FBXL7: variants seen among roughly 807,000 people sequenced by gnomAD.
FBXL7 encodes F-box and leucine rich repeat protein 7.
FBXL7 carries 12 observed loss-of-function variants against 38.3 expected under a neutral mutation model. The ratio of observed to expected loss-of-function variants is 0.31; its 90% CI spans 0.20 to 0.51. The LOEUF is 0.51. Among genes scored for constraint, FBXL7 ranks in the 20% least tolerant of loss-of-function variants. The probability of loss-of-function intolerance (pLI) is 0.98; values close to 1 mark genes in which losing one functional copy is unlikely to be tolerated. For synonymous variants in FBXL7, 297 were observed against 300.9 expected, an observed-to-expected ratio of 0.99 and a Z score of 0.13; for missense variants, 567 against 676.4, an observed-to-expected ratio of 0.84 and a Z score of 1.79.
chr5:15,829,502 A>G (rs1269612256), intron 2 of FBXL7, among the ~76,000 whole-genome samples: 1 of 152,176 alleles, frequency 6.6e-6, no homozygotes, highest in Non-Finnish European at 1.5e-5. Flanking sequence ...ATGGTCCAAT[A>G]TCATCTCAAG....
At chr5:15,788,481 C>T (rs535540178) in intron 2 of FBXL7, among the ~76,000 whole-genome samples, 1 of 152,248 alleles carries the variant, frequency 6.6e-6, no homozygotes, top group Non-Finnish European at 1.5e-5. Context: ...AGAAAAGAAG[C>T]ATCTCAAATT....
intron 2 of FBXL7, among the ~76,000 whole-genome samples, chr5:15,893,383 T>C (rs372099553): frequency 3.3e-5 from 5 of 152,336 alleles, no homozygotes; most frequent in South Asian, 2.1e-4. Context: ...TTCATTTTAA[T>C]AATCAGATAT....
chr5:15,779,976 G>A (rs1481392786), intron 2 of FBXL7, among the ~76,000 whole-genome samples: 1 of 152,048 alleles, frequency 6.6e-6, no homozygotes, highest in Non-Finnish European at 1.5e-5. Context: ...TGTCCGACTT[G>A]TGTTTGTCAA....
chr5:15,856,962 C>T (rs1579526015), intron 2 of FBXL7, among the ~76,000 whole-genome samples: 1 of 152,146 alleles, frequency 6.6e-6, no homozygotes, highest in African/African-American at 2.4e-5. Flanking sequence ...TGTATGTATG[C>T]AAGTATTTTT....
chr5:15,504,939 A>G (rs1335184507), intron 1 of FBXL7, among the ~76,000 whole-genome samples: 1 of 152,196 alleles, frequency 6.6e-6, no homozygotes, highest in Non-Finnish European at 1.5e-5. Flanking sequence ...CACTGTTAAC[A>G]GCTTGTTTGC....
intron 2 of FBXL7, among the ~76,000 whole-genome samples, chr5:15,683,193 G>A (rs1039986393): frequency 1.3e-5 from 2 of 152,170 alleles, no homozygotes; most frequent in African/African-American, 2.4e-5. Flanking sequence ...AACTTGTCTT[G>A]TGTGTTTATT....
chr5:15,891,743 T>G (rs1740912060), intron 2 of FBXL7, among the ~76,000 whole-genome samples: 1 of 152,170 alleles, frequency 6.6e-6, no homozygotes, highest in Non-Finnish European at 1.5e-5. Context: ...AGATGGCACA[T>G]TCAAAGGAGA....
intron 2 of FBXL7, among the ~76,000 whole-genome samples, chr5:15,659,983 A>T (rs529478526): frequency 6.6e-6 from 1 of 152,360 alleles, no homozygotes; most frequent in South Asian, 2.1e-4. Flanking sequence ...TGTAAACCAA[A>T]TGACTATGAA....
intron 2 of FBXL7, among the ~76,000 whole-genome samples, chr5:15,735,629 T>C (rs1735729445): frequency 6.6e-6 from 1 of 152,228 alleles, no homozygotes; most frequent in Non-Finnish European, 1.5e-5. Flanking sequence ...TCCACAGCTA[T>C]TTAAAACCCA....
At position 15,939,141 on chromosome 5, in the gene FBXL7, C is replaced by T. The variant is rs533651593; in HGVS notation, c.*1955C>T. 7.5e-6 allele frequency: 3 copies of T among 398,710 alleles called. No homozygotes were observed. The East Asian group carries it at 1.1e-4, about 14-fold the overall frequency. 24.7% of individuals were successfully genotyped at this position (398,710 alleles called of 1,614,324 possible). On this transcript the variant is annotated 3_prime_UTR_variant, in exon 4 of 4. Coordinates refer to ENST00000504595, the MANE Select transcript of FBXL7 (RefSeq NM_012304.5). Reference sequence around the variant, plus strand: ...GGTTTCTTTCAAACATCATGGCCTCCCATCCAATCAACATCATCAAATTAC... The same window carrying T: ...GGTTTCTTTCAAACATCATGGCCTCTCATCCAATCAACATCATCAAATTAC...
At chr5:15,575,948 T>C (rs529307430) in intron 1 of FBXL7, among the ~76,000 whole-genome samples, 2 of 152,360 alleles carry the variant, frequency 1.3e-5, no homozygotes, top group Non-Finnish European at 2.9e-5. Context: ...CAAAAATACA[T>C]TCTCCATTCC....
At chr5:15,525,220 T>C (rs1737218424) in intron 1 of FBXL7, among the ~76,000 whole-genome samples, 1 of 152,218 alleles carries the variant, frequency 6.6e-6, no homozygotes, top group African/African-American at 2.4e-5. Flanking sequence ...TTACAAGTGT[T>C]AACAATTCTT....
intron 2 of FBXL7, among the ~76,000 whole-genome samples, chr5:15,819,070 A>G (rs1291441744): frequency 2.6e-5 from 4 of 152,214 alleles, no homozygotes; most frequent in African/African-American, 9.6e-5. Flanking sequence ...GAGATGACCT[A>G]CATAAAGGAT....
rs116364495 is a variant in FBXL7, at chr5:15,783,371, A to G, written c.128-144519A>G. 8.9e-3 allele frequency among the ~76,000 whole-genome samples: 1,352 copies of G among 152,268 alleles called. 14 individuals are homozygous for G. The highest frequency in any genetic ancestry group is 0.054 in the Middle Eastern group (16 of 294). The stretch of plus-strand genomic sequence containing the variant: ...GTCCTGGGTGTGACACTGAGACGAG[A>G]TGCCTAAGGCAGAGTGGAAAAAAGG... On this transcript the variant is annotated intron_variant, in intron 2 of 3. Transcript: ENST00000504595.
intron 2 of FBXL7, among the ~76,000 whole-genome samples, chr5:15,812,017 A>G (rs1034230335): frequency 6.6e-6 from 1 of 152,146 alleles, no homozygotes; most frequent in African/African-American, 2.4e-5. Context: ...AAATCATTCT[A>G]CTCTAAAGAC....
At chr5:15,736,870 C>A (rs1735771634) in intron 2 of FBXL7, among the ~76,000 whole-genome samples, 1 of 152,206 alleles carries the variant, frequency 6.6e-6, no homozygotes, top group Non-Finnish European at 1.5e-5. Context: ...CAGATATCCA[C>A]TCATGACTAC....
chr5:15,598,590 C>A (rs1739694778), intron 1 of FBXL7, among the ~76,000 whole-genome samples: 3 of 152,038 alleles, frequency 2.0e-5, no homozygotes, highest in African/African-American at 2.4e-5. Flanking sequence ...TCAGTGATAT[C>A]CTTACCTGAT....
chr5:15,506,191 A>G (rs1424693114), intron 1 of FBXL7, among the ~76,000 whole-genome samples: 2 of 151,768 alleles, frequency 1.3e-5, no homozygotes, highest in Admixed American at 1.3e-4. Flanking sequence ...TTTAATTGCC[A>G]GCATCATTCC....
At chr5:15,560,400 C>T (rs914524833) in intron 1 of FBXL7, among the ~76,000 whole-genome samples, 2 of 152,138 alleles carry the variant, frequency 1.3e-5, no homozygotes, top group African/African-American at 2.4e-5. Context: ...GCTTGGAAAC[C>T]AGTTCCCTCA....
Sources: allele counts gnomAD v4.1 joint callset (sites outside exome capture counted in the v4.1 genomes callset), GRCh38; gene constraint gnomAD v4.1.1; transcripts MANE v1.5; gene names NCBI Gene and HGNC (gene_info 2026-07-23, HGNC 2026-07-21).